Variants in TRIM66 observed in about 807,000 individuals in gnomAD.
TRIM66 encodes tripartite motif containing 66.
In TRIM66, 99 loss-of-function variants were observed where a neutral mutation model predicts 148.2. That is an observed-to-expected ratio of 0.67 (90% CI 0.57 to 0.79). The LOEUF is 0.79. Ranked by LOEUF, TRIM66 falls within the 30% of genes least tolerant of loss-of-function variation. The pLI is 0.00. For missense variants in TRIM66, 1,666 were observed against 1,697.9 expected (o/e 0.98, Z 0.33); for synonymous variants, 616 against 635.9 (o/e 0.97, Z 0.47).
chr11:8,631,073 T>C (rs911088192), intron 15 of TRIM66, among the ~76,000 whole-genome samples: 1 of 152,208 alleles, frequency 6.6e-6, no homozygotes, highest in Non-Finnish European at 1.5e-5. Context: ...GATAAAACAT[T>C]GCTCTTTCAT....
rs1411138406 is a variant in TRIM66, at chr11:8,682,622, G to A, written c.-569C>T. On this transcript the variant is annotated 5_prime_UTR_variant, in exon 1 of 25. Transcript: ENST00000646038. The stretch of plus-strand genomic sequence containing the variant: ...TCACCGAAACCGTACACCGCCACCA[G>A]GACACTCCGTGATGGGGGATCACCA... 1.4e-5 allele frequency: 9 copies of A among 665,464 alleles called. No homozygotes were observed. The highest frequency in any genetic ancestry group is 3.4e-5 in the South Asian group (2 of 59,458). 41.2% of individuals were successfully genotyped at this position (665,464 alleles called of 1,614,324 possible).
At chr11:8,633,143 T>G (rs2035568679) in intron 15 of TRIM66, among the ~76,000 whole-genome samples, 1 of 152,150 alleles carries the variant, frequency 6.6e-6, no homozygotes, top group African/African-American at 2.4e-5. Flanking sequence ...TGTAGGAAAC[T>G]GACTTAAAAA....
At position 8,646,549 on chromosome 11, in the gene TRIM66, C is replaced by A; in HGVS notation, c.855G>T (p.Val285=). ...TTTCCACCTTCCTATGCTGATGCTT[C>A]ACTTCAAAAATCCTGTAAACACAAT... ...AKQIEDRIFE[V]KHQHRKVENQ... The change falls in exon 11 of 25, where the codon GTG becomes GTT. Residue 285 remains valine (V), a synonymous_variant. Coordinates refer to ENST00000646038, the MANE Select transcript of TRIM66 (RefSeq NM_001388022.1). 6.4e-7 allele frequency: 1 copy of A among 1,551,728 alleles called. No individual in the cohort carries two copies.
rs2033814165 is a variant in TRIM66 at position 8,617,770 on chromosome 11, T to G, written c.*174A>C. Reference sequence around the variant, plus strand: ...TTACTGAAATCTTCTCTGTAGTGGATGTACTACGGCTCCCAAATAAATGCT... The same window carrying G: ...TTACTGAAATCTTCTCTGTAGTGGAGGTACTACGGCTCCCAAATAAATGCT... On this transcript the variant is annotated 3_prime_UTR_variant, in exon 25 of 25. Coordinates refer to ENST00000646038, the MANE Select transcript of TRIM66 (RefSeq NM_001388022.1). The G allele has an allele frequency of 6.4e-6, 4 of 622,410 alleles. No individual in the cohort carries two copies. Among genetic ancestry groups the G allele is most frequent in the Non-Finnish European group, 1.1e-5 (4 of 349,134 alleles). The allele number at this position is 622,410 out of a possible 1,614,324, so 38.6% of individuals were successfully genotyped here.
intron 3 of TRIM66, among the ~76,000 whole-genome samples, chr11:8,678,904 CA>C (rs1226718151): frequency 6.6e-6 from 1 of 152,118 alleles, no homozygotes; most frequent in African/African-American, 2.4e-5. Context: ...CCTGGGGCAG[CA>C]AAAAATCAGC....
At chr11:8,676,754 C>G (rs1469613584) in intron 3 of TRIM66, among the ~76,000 whole-genome samples, 1 of 152,192 alleles carries the variant, frequency 6.6e-6, no homozygotes, top group Non-Finnish European at 1.5e-5. Context: ...CTTCCCTCTC[C>G]TTCTTATCTC....
Position 8,618,159 on chromosome 11 carries a change from A to T in TRIM66, c.4120-156T>A, listed in dbSNP as rs528589623. On this transcript the variant is annotated intron_variant, in intron 24 of 24. Coordinates refer to ENST00000646038, the MANE Select transcript of TRIM66 (RefSeq NM_001388022.1). ...ACTTACTGAAGCCACTAAACATTGT[A>T]TGCTAAGTATGGTAAACAACTGGGG... Among the ~76,000 whole-genome samples the T allele has an allele frequency of 1.7e-4, 26 of 152,366 alleles. 1 individual carries two copies. In the South Asian group the frequency reaches 5.2e-3, roughly 30 times the overall value.
chr11:8,654,128 G>A (rs905579684), intron 6 of TRIM66, among the ~76,000 whole-genome samples: 1 of 152,190 alleles, frequency 6.6e-6, no homozygotes, highest in African/African-American at 2.4e-5. Flanking sequence ...AATGAAAAAA[G>A]AGAAAGAACT....
rs2033703905 is a variant in TRIM66, at chr11:8,616,118, A to T, written c.*1826T>A. ...GCCTAAGTCCAAAGATTGCCGGACT[A>T]GTAAAGCATTCAAGACTCAGTTACC... On this transcript the variant is annotated 3_prime_UTR_variant, in exon 25 of 25. Coordinates refer to ENST00000646038, the MANE Select transcript of TRIM66 (RefSeq NM_001388022.1). 1 of 152,252 alleles carries T rather than the reference A, an allele frequency of 6.6e-6. No homozygotes were observed. Among genetic ancestry groups the T allele is most frequent in the African/African-American group, 2.4e-5 (1 of 41,464 alleles). The allele number at this position is 152,252 out of a possible 1,614,324, so 9.4% of individuals were successfully genotyped here. A position where few individuals can be genotyped will look rare whatever the true frequency, so the allele number is the denominator to read the frequency against.
chr11:8,628,636 A>AAAAAAAAAAAAAAGAGAGAGAG (rs1555042270), intron 15 of TRIM66, among the ~76,000 whole-genome samples: 1 of 93,340 alleles, frequency 1.1e-5, no homozygotes, highest in Non-Finnish European at 2.3e-5. Context: ...AAAAAAAAAA[A>AAAAAAAAAAAAAAGAGAGAGAG]AGAGAGAGAA....
At chr11:8,621,950 G>T in intron 18 of TRIM66, 131 bp from the exon 19 acceptor site, 1 of 960,234 alleles carries the variant, frequency 1.0e-6, no homozygotes, top group Non-Finnish European at 1.5e-6. Context: ...AGGATACAAA[G>T]TATTTATCCT....
At position 8,614,110 on chromosome 11, in the gene TRIM66, A is replaced by C. The variant is rs2033572085; in HGVS notation, c.*3834T>G. On this transcript the variant is annotated 3_prime_UTR_variant, in exon 25 of 25. Coordinates refer to ENST00000646038, the MANE Select transcript of TRIM66 (RefSeq NM_001388022.1). ...CCCAGCACTTTGGGAGGCCAAGGGA[A>C]GCAGACTGCTTGAGCCCAGGAGTGT... 6.6e-6 allele frequency: 1 copy of C among 152,316 alleles called. No individual in the cohort carries two copies. Among genetic ancestry groups the C allele is most frequent in the African/African-American group, 2.4e-5 (1 of 41,424 alleles). The allele number at this position is 152,316 out of a possible 1,614,324, so 9.4% of individuals were successfully genotyped here.
At position 8,682,627 on chromosome 11, in the gene TRIM66, C is replaced by G. The variant is rs2039498068; in HGVS notation, c.-574G>C. The G allele has an allele frequency of 1.5e-6, 1 of 680,180 alleles. No homozygotes were observed. The highest frequency in any genetic ancestry group is 2.7e-5 in the East Asian group (1 of 37,214). 42.1% of individuals were successfully genotyped at this position (680,180 alleles called of 1,614,324 possible). A position where few individuals can be genotyped will look rare whatever the true frequency, so the allele number is the denominator to read the frequency against. On this transcript the variant is annotated 5_prime_UTR_variant, in exon 1 of 25. Transcript: ENST00000646038. ...GAAACCGTACACCGCCACCAGGACA[C>G]TCCGTGATGGGGGATCACCACCCTC...
At chr11:8,644,877 T>C (rs2036713074) in intron 12 of TRIM66, among the ~76,000 whole-genome samples, 3 of 152,214 alleles carry the variant, frequency 2.0e-5, no homozygotes, top group Admixed American at 2.0e-4. Context: ...TGCTCGTCAC[T>C]ATTCATCTTC....
chr11:8,668,116 T>G (rs2038713006), intron 6 of TRIM66, among the ~76,000 whole-genome samples: 1 of 152,242 alleles, frequency 6.6e-6, no homozygotes, highest in South Asian at 2.1e-4. Flanking sequence ...GCCATCCTAA[T>G]GTACTTGAGG....
intron 6 of TRIM66, among the ~76,000 whole-genome samples, chr11:8,658,555 G>A (rs1245562917): frequency 6.6e-6 from 1 of 152,190 alleles, no homozygotes; most frequent in African/African-American, 2.4e-5. Context: ...AGTAGCTGCA[G>A]GACCCTGGGG....
intron 12 of TRIM66, among the ~76,000 whole-genome samples, chr11:8,643,548 T>C (rs562794734): frequency 6.6e-6 from 1 of 152,084 alleles, no homozygotes; most frequent in Non-Finnish European, 1.5e-5. Context: ...TTCACTGTGT[T>C]AGCCAGGATG....
chr11:8,618,436 A>G (rs2033880959), intron 24 of TRIM66, among the ~76,000 whole-genome samples: 1 of 152,198 alleles, frequency 6.6e-6, no homozygotes, highest in Admixed American at 6.5e-5. Flanking sequence ...GGGCATCACA[A>G]TCACAGTGTG....
intron 6 of TRIM66, among the ~76,000 whole-genome samples, chr11:8,666,810 T>C (rs958031775): frequency 2.6e-5 from 4 of 152,186 alleles, no homozygotes; most frequent in African/African-American, 9.7e-5. Flanking sequence ...ATTCAGGTAA[T>C]TGTCATACAT....
Sources: gnomAD v4.1 joint callset for allele counts (sites outside exome capture counted in the v4.1 genomes callset) on GRCh38, gnomAD v4.1.1 for gene constraint, MANE v1.5 for transcripts, NCBI Gene and HGNC (gene_info 2026-07-23, HGNC 2026-07-21) for gene names.